The following PDE4B variants were observed in gnomAD, a reference collection of about 807,000 sequenced individuals.
PDE4B encodes the protein phosphodiesterase 4B.
Under a neutral mutation model 82.2 loss-of-function variants are expected in PDE4B, and 20 were observed. That is an observed-to-expected ratio of 0.24 (90% CI 0.17 to 0.35). The LOEUF is 0.35. PDE4B is among the 10% of genes least tolerant of loss of function. The pLI, the probability that PDE4B is intolerant of heterozygous loss-of-function variation, is 1.00. For synonymous variants in PDE4B, 320 were observed against 318.9 expected (o/e 1.00, Z -0.04); for missense variants, 655 against 907.2 (o/e 0.72, Z 3.57).
intron 7 of PDE4B, among the ~76,000 whole-genome samples, chr1:66,330,410 G>A (rs1416207097): frequency 6.6e-6 from 1 of 152,096 alleles, no homozygotes; most frequent in African/African-American, 2.4e-5. Flanking sequence ...ATTACTGTAT[G>A]TATTTCCTTG....
chr1:65,888,386 C>T (rs1241448706), intron 1 of PDE4B, among the ~76,000 whole-genome samples: 1 of 152,138 alleles, frequency 6.6e-6, no homozygotes, highest in South Asian at 2.1e-4. Flanking sequence ...AATGTGGTGC[C>T]TCCAGCTTTG....
intron 3 of PDE4B, among the ~76,000 whole-genome samples, chr1:66,086,096 T>G (rs1266091709): frequency 6.6e-6 from 1 of 152,044 alleles, no homozygotes; most frequent in Non-Finnish European, 1.5e-5. Context: ...GGAGCCTATT[T>G]TATCAGCTCA....
chr1:66,040,171 G>A (rs1393542744), intron 3 of PDE4B, among the ~76,000 whole-genome samples: 1 of 152,014 alleles, frequency 6.6e-6, no homozygotes, highest in Non-Finnish European at 1.5e-5. Context: ...TATTGTATTG[G>A]CAGAAAGAGT....
chr1:65,945,600 A>G (rs1362320428), intron 3 of PDE4B, among the ~76,000 whole-genome samples: 1 of 152,032 alleles, frequency 6.6e-6, no homozygotes, highest in Non-Finnish European at 1.5e-5. Context: ...TCCAACATTC[A>G]TCAACAGCAG....
At chr1:65,950,469 C>T (rs1008120515) in intron 3 of PDE4B, among the ~76,000 whole-genome samples, 1 of 151,954 alleles carries the variant, frequency 6.6e-6, no homozygotes, top group African/African-American at 2.4e-5. Flanking sequence ...GGTTAGGGAT[C>T]CTTGTTTAAG....
At chr1:65,977,362 A>G (rs1650461824) in intron 3 of PDE4B, among the ~76,000 whole-genome samples, 1 of 152,200 alleles carries the variant, frequency 6.6e-6, no homozygotes, top group South Asian at 2.1e-4. Flanking sequence ...TTGGAGAACT[A>G]CTGACATAAT....
chr1:66,056,981 A>G (rs1655335874), intron 3 of PDE4B, among the ~76,000 whole-genome samples: 1 of 152,246 alleles, frequency 6.6e-6, no homozygotes. Context: ...AGCAATAAAA[A>G]CTAATACATG....
chr1:66,122,519 A>G (rs192136117), intron 3 of PDE4B, among the ~76,000 whole-genome samples: 71 of 152,312 alleles, frequency 4.7e-4, no homozygotes, highest in African/African-American at 1.6e-3. Flanking sequence ...GTATTATTGG[A>G]CTATGACTGA....
At chr1:66,322,387 G>T (rs1440614382) in intron 7 of PDE4B, among the ~76,000 whole-genome samples, 1 of 151,702 alleles carries the variant, frequency 6.6e-6, no homozygotes, top group African/African-American at 2.4e-5. Context: ...GCAACCTACA[G>T]ATTGGGAGAA....
At chr1:66,157,273 C>T (rs1009408737) in intron 3 of PDE4B, among the ~76,000 whole-genome samples, 2 of 152,178 alleles carry the variant, frequency 1.3e-5, no homozygotes, top group South Asian at 2.1e-4. Flanking sequence ...ACACCTCTGC[C>T]AACCTAGAGA....
chr1:66,040,147 T>G (rs1304295445), intron 3 of PDE4B, among the ~76,000 whole-genome samples: 2 of 152,092 alleles, frequency 1.3e-5, no homozygotes, highest in Non-Finnish European at 2.9e-5. Flanking sequence ...TTTAACTTTT[T>G]CAATGAGGAC....
chr1:65,926,078 TG>T (rs1647482522), intron 3 of PDE4B, among the ~76,000 whole-genome samples: 1 of 152,192 alleles, frequency 6.6e-6, no homozygotes, highest in Admixed American at 6.5e-5. Context: ...CTGGCATGGC[TG>T]GGCTTTGATT....
chr1:65,942,283 C>T (rs1648488208), intron 3 of PDE4B, among the ~76,000 whole-genome samples: 1 of 151,980 alleles, frequency 6.6e-6, no homozygotes, highest in Non-Finnish European at 1.5e-5. Flanking sequence ...TGGCATTTGT[C>T]TTTCTATGCC....
chr1:65,949,032 G>A (rs954603847), intron 3 of PDE4B, among the ~76,000 whole-genome samples: 1 of 151,922 alleles, frequency 6.6e-6, no homozygotes, highest in Admixed American at 6.6e-5. Flanking sequence ...AAATTCTGTG[G>A]GTCATGCCTT....
At chr1:65,958,600 A>G (rs1937452) in intron 3 of PDE4B, among the ~76,000 whole-genome samples, 10,967 of 152,098 alleles carry the variant, frequency 0.072, 947 homozygotes, top group East Asian at 0.43. Flanking sequence ...TCATGGGAAG[A>G]TTTTTTAAAA....
chr1:66,336,675 G>T (rs1660543277), intron 8 of PDE4B, among the ~76,000 whole-genome samples: 2 of 151,386 alleles, frequency 1.3e-5, no homozygotes. Flanking sequence ...TGAAGCATTA[G>T]GACTTAGCAC....
intron 3 of PDE4B, among the ~76,000 whole-genome samples, chr1:66,182,327 T>G (rs1286812330): frequency 1.3e-5 from 2 of 152,132 alleles, no homozygotes; most frequent in African/African-American, 4.8e-5. Context: ...TATTATTGTT[T>G]TGGGGAAATA....
chr1:66,103,852 A>G (rs1645278288), intron 3 of PDE4B, among the ~76,000 whole-genome samples: 1 of 152,146 alleles, frequency 6.6e-6, no homozygotes, highest in Non-Finnish European at 1.5e-5. Flanking sequence ...GAAATGGGAA[A>G]TCATTGCCCA....
At chr1:65,966,891 A>G (rs1374724062) in intron 3 of PDE4B, among the ~76,000 whole-genome samples, 1 of 152,224 alleles carries the variant, frequency 6.6e-6, no homozygotes, top group African/African-American at 2.4e-5. Context: ...TTAACTCAAG[A>G]TGGATTAAAG....
Sources: gnomAD v4.1 joint callset for allele counts (sites outside exome capture counted in the v4.1 genomes callset) on GRCh38, gnomAD v4.1.1 for gene constraint, MANE v1.5 for transcripts, NCBI Gene and HGNC (gene_info 2026-07-23, HGNC 2026-07-21) for gene names.